Variants in CREB5 observed in about 807,000 individuals in gnomAD.
The protein encoded by CREB5 is cAMP responsive element binding protein 5.
CREB5 carries 19 observed loss-of-function variants against 57.1 expected under a neutral mutation model. That is an observed-to-expected ratio of 0.33 (90% confidence interval 0.23 to 0.49). The LOEUF (loss-of-function observed/expected upper bound fraction) is 0.49, where lower values mean the gene tolerates loss of function less well. Among genes scored for constraint, CREB5 ranks in the 20% least tolerant of loss-of-function variants. The pLI is 0.99. For missense variants in CREB5, 579 were observed against 671.6 expected (o/e 0.86, Z 1.52); for synonymous variants, 238 against 238.3 (o/e 1.00, Z 0.01).
chr7:28,355,107 G>A (rs1714320726), intron 1 of CREB5, among the ~76,000 whole-genome samples: 1 of 152,206 alleles, frequency 6.6e-6, no homozygotes, highest in African/African-American at 2.4e-5. Flanking sequence ...CAAGTGACTT[G>A]CAATTTTCTA....
chr7:28,551,318 C>A (rs1407662992), intron 4 of CREB5, among the ~76,000 whole-genome samples: 1 of 152,098 alleles, frequency 6.6e-6, no homozygotes, highest in Non-Finnish European at 1.5e-5. Context: ...TTAATGGCTT[C>A]TTTTGGAAAC....
At chr7:28,559,741 T>A (rs554478960) in intron 4 of CREB5, among the ~76,000 whole-genome samples, 1 of 152,370 alleles carries the variant, frequency 6.6e-6, no homozygotes, top group African/African-American at 2.4e-5. Flanking sequence ...AGTTCATTTA[T>A]CTATCCAACC....
chr7:28,341,562 A>G lies in CREB5; in HGVS notation c.-25+42121A>G, dbSNP rs73293243. 3.0e-3 allele frequency among the ~76,000 whole-genome samples: 464 copies of G among 152,238 alleles called. 2 individuals carry two copies. The highest frequency in any genetic ancestry group is 0.011 in the African/African-American group (441 of 41,544). On this transcript the variant is annotated intron_variant, in intron 1 of 9. Transcript: ENST00000396299. ...CTTCATCATCCATATACTACCTCCA[A>G]CTGATTGTATCGGCTTTCATCTTGG...
intron 5 of CREB5, among the ~76,000 whole-genome samples, chr7:28,648,638 A>G (rs1799000149): frequency 6.6e-6 from 1 of 152,198 alleles, no homozygotes; most frequent in South Asian, 2.1e-4. Flanking sequence ...GCTGCTCAAG[A>G]GGCTGAGGTG....
chr7:28,820,271 A>G lies in CREB5; in HGVS notation c.*992A>G, dbSNP rs1809684763. The G allele has an allele frequency of 2.0e-5, 3 of 152,632 alleles. No individual in the cohort carries two copies. The highest frequency in any genetic ancestry group is 2.0e-4 in the Admixed American group (3 of 15,272). The allele number at this position is 152,632 out of a possible 1,614,324, so 9.5% of individuals were successfully genotyped here. On this transcript the variant is annotated 3_prime_UTR_variant, in exon 11 of 11. Transcript: ENST00000357727. ...GTCCAAATTTTGATGTGGGGCTATA[A>G]CATGACACCCTTGGATTGCGACTGG...
intron 5 of CREB5, among the ~76,000 whole-genome samples, chr7:28,575,761 C>T (rs528902819): frequency 2.0e-5 from 3 of 152,254 alleles, no homozygotes; most frequent in South Asian, 2.1e-4. Flanking sequence ...TTCACAGCCC[C>T]GAGAACATTT....
chr7:28,475,683 G>T (rs1415893876), intron 1 of CREB5, among the ~76,000 whole-genome samples: 1 of 151,978 alleles, frequency 6.6e-6, no homozygotes, highest in Non-Finnish European at 1.5e-5. Flanking sequence ...CTGATAAGAA[G>T]GCTGAGTTTC....
At chr7:28,670,867 T>G (rs1431357524) in intron 5 of CREB5, among the ~76,000 whole-genome samples, 2 of 152,178 alleles carry the variant, frequency 1.3e-5, no homozygotes, top group South Asian at 2.1e-4. Flanking sequence ...CCATTTCCCT[T>G]TCTTTTTAAA....
chr7:28,672,665 A>G (rs1206590135), intron 5 of CREB5, among the ~76,000 whole-genome samples: 1 of 152,136 alleles, frequency 6.6e-6, no homozygotes, highest in Non-Finnish European at 1.5e-5. Flanking sequence ...CAACGAATTC[A>G]GGGAAATTAC....
At chr7:28,666,031 TTTTCA>T (rs986250334) in intron 5 of CREB5, among the ~76,000 whole-genome samples, 41 of 152,186 alleles carry the variant, frequency 2.7e-4, no homozygotes, top group Non-Finnish European at 5.0e-4. Flanking sequence ...TTGCTGTCTT[TTTTCA>T]TTTCATCTCT....
intron 5 of CREB5, among the ~76,000 whole-genome samples, chr7:28,577,178 A>G (rs547107158): frequency 6.6e-6 from 1 of 152,282 alleles, no homozygotes; most frequent in East Asian, 1.9e-4. Flanking sequence ...CTTTACCTAC[A>G]TATAAAGGGG....
intron 1 of CREB5, among the ~76,000 whole-genome samples, chr7:28,414,573 T>C (rs1787954456): frequency 1.3e-5 from 2 of 152,306 alleles, no homozygotes; most frequent in South Asian, 4.1e-4. Context: ...AGACCCTTTT[T>C]GTGTTGCTAT....
intron 1 of CREB5, among the ~76,000 whole-genome samples, chr7:28,300,936 CAG>C (rs1785088837): frequency 1.3e-5 from 2 of 152,192 alleles, no homozygotes; most frequent in Admixed American, 6.5e-5. Flanking sequence ...ACCCCTGACT[CAG>C]AGACTGGGTT....
chr7:28,757,061 CAGTT>C (rs1365664877), intron 7 of CREB5, among the ~76,000 whole-genome samples: 3 of 152,164 alleles, frequency 2.0e-5, no homozygotes, highest in Non-Finnish European at 4.4e-5. Context: ...TGCCAGTTTT[CAGTT>C]ACTCACCCTA....
At chr7:28,610,920 G>GA (rs1797359602) in intron 5 of CREB5, among the ~76,000 whole-genome samples, 1 of 151,616 alleles carries the variant, frequency 6.6e-6, no homozygotes, top group African/African-American at 2.4e-5. Context: ...AGAGAGAGAG[G>GA]GAGTCGTTTA....
chr7:28,703,404 G>A (rs538782795), intron 5 of CREB5, among the ~76,000 whole-genome samples: 23 of 152,230 alleles, frequency 1.5e-4, no homozygotes, highest in African/African-American at 5.5e-4. Flanking sequence ...AATATGAGGG[G>A]AAAGATCTAA....
chr7:28,560,845 CGCGT>C (rs1412803973), intron 4 of CREB5, among the ~76,000 whole-genome samples: 421 of 41,312 alleles, frequency 0.01, 37 homozygotes, highest in African/African-American at 0.019. Context: ...TGTGTGTGTG[CGCGT>C]GTGTGTGTGC....
intron 5 of CREB5, among the ~76,000 whole-genome samples, chr7:28,578,500 G>A (rs1404193761): frequency 2.0e-5 from 3 of 152,226 alleles, no homozygotes; most frequent in African/African-American, 2.4e-5. Context: ...CTGGTCCTTT[G>A]GAACTGGAAG....
At chr7:28,470,140 G>A (rs1461393775) in intron 1 of CREB5, among the ~76,000 whole-genome samples, 2 of 152,040 alleles carry the variant, frequency 1.3e-5, no homozygotes, top group Non-Finnish European at 2.9e-5. Context: ...TTACCCTGTT[G>A]TGCTACCAAA....
Sources: allele counts gnomAD v4.1 joint callset (sites outside exome capture counted in the v4.1 genomes callset), GRCh38; gene constraint gnomAD v4.1.1; transcripts MANE v1.5; gene names NCBI Gene and HGNC (gene_info 2026-07-23, HGNC 2026-07-21).